The following ANXA1 variants were observed in gnomAD, a reference collection of about 807,000 sequenced individuals.
ANXA1 encodes annexin A1.
In ANXA1, 39 loss-of-function variants were observed where a neutral mutation model predicts 47.9. That is an observed-to-expected ratio of 0.81 (90% confidence interval 0.63 to 1.06). ANXA1 has a LOEUF of 1.06. ANXA1 is among the 50% of genes least tolerant of loss of function. ANXA1 has a pLI of 0.00. For missense variants in ANXA1, 446 were observed against 422.7 expected (o/e 1.06, Z -0.48); for synonymous variants, 146 against 142.5 (o/e 1.02, Z -0.17).
intron 1 of ANXA1, among the ~76,000 whole-genome samples, chr9:73,155,682 A>G (rs946149026): frequency 2.3e-4 from 35 of 152,110 alleles, no homozygotes; most frequent in African/African-American, 7.2e-4. Flanking sequence ...GGCTGAATTC[A>G]GATTCCGTTT....
intron 9 of ANXA1, chr9:73,165,415 T>G (rs968142541): frequency 3.1e-5 from 13 of 420,742 alleles, no homozygotes; most frequent in Admixed American, 8.2e-5. Context: ...ATTTTGTGAC[T>G]TGGGCATGTG....
chr9:73,160,506 T>G (rs1824121135), intron 5 of ANXA1, 130 bp downstream of exon 5: 3 of 609,136 alleles, frequency 4.9e-6, no homozygotes, highest in Middle Eastern at 2.7e-4. Context: ...ATAAATAAAT[T>G]AATACCTCAA....
chr9:73,158,689 T>G lies in ANXA1; in HGVS notation c.67-6T>G. On this transcript the variant is annotated splice_region_variant and splice_polypyrimidine_tract_variant and intron_variant, in intron 2 of 12. Transcript: ENST00000257497. ...GGCCATTAATTTATTTCTCTCTCAT[T>G]CTTAGCAAACTGTGAAGTCATCCAA... 2 of 1,613,786 alleles carry G rather than the reference T, an allele frequency of 1.2e-6. No homozygotes were observed. Among genetic ancestry groups the G allele is most frequent in the East Asian group, 4.5e-5 (2 of 44,868 alleles).
rs1033769795 is a variant in ANXA1 at position 73,165,166 on chromosome 9, C to A, written c.663C>A (p.Phe221Leu). 1.2e-6 allele frequency: 2 copies of A among 1,612,666 alleles called. No homozygotes were observed. The highest frequency in any genetic ancestry group is 1.7e-6 in the Non-Finnish European group (2 of 1,179,142). Residue 221 changes from phenylalanine (F) to leucine (L), a missense_variant, in exon 9 of 13, where the codon TTC (phenylalanine) becomes TTA (leucine). Physicochemically the swap from Phe to Leu is conservative, Grantham distance 22. Coordinates refer to ENST00000257497, the MANE Select transcript of ANXA1 (RefSeq NM_000700.3). ...ERRKGTDVNV[F>L]NTILTTRSYP... is the part of the protein sequence containing the mutation. ...GAAAGGGGACAGACGTAAACGTGTTCAATACCATCCTTACCACCAGAAGCT... is the reference window on the plus strand; with the variant it reads ...GAAAGGGGACAGACGTAAACGTGTTAAATACCATCCTTACCACCAGAAGCT...
chr9:73,153,981 G>A (rs1824008819), intron 1 of ANXA1, among the ~76,000 whole-genome samples: 1 of 152,104 alleles, frequency 6.6e-6, no homozygotes, highest in African/African-American at 2.4e-5. Context: ...CTAATGAAGG[G>A]TTTCTGAAGA....
intron 3 of ANXA1, 92 bp downstream of exon 3, chr9:73,158,895 ATC>A: frequency 2.0e-6 from 2 of 1,012,448 alleles, no homozygotes; most frequent in Admixed American, 2.3e-5. Context: ...AATGGAAAGA[ATC>A]TGTTTCATTT....
At chr9:73,153,114 C>T (rs565786661) in intron 1 of ANXA1, among the ~76,000 whole-genome samples, 56 of 152,260 alleles carry the variant, frequency 3.7e-4, no homozygotes, top group Admixed American at 8.5e-4. Flanking sequence ...GTGACAGTAA[C>T]ACCCTAGCTC....
chr9:73,165,130 AG>A lies in ANXA1; in HGVS notation c.629del (p.Gly210GlufsTer9). On this transcript the variant is annotated frameshift_variant, in exon 9 of 13. Coordinates refer to ENST00000257497, the MANE Select transcript of ANXA1 (RefSeq NM_000700.3). LOFTEE classifies it high-confidence loss of function. ...DSDARALYEA[G>X]ERRKGTDVNV... The stretch of plus-strand genomic sequence containing the variant: ...TTTCTTGACAGGCCTTGTATGAAGC[AG>A]GAGAAAGGAGAAAGGGGACAGACGT... 1 of 1,612,568 alleles carries A rather than the reference AG, an allele frequency of 6.2e-7. No individual in the cohort carries two copies. The highest frequency in any genetic ancestry group is 8.5e-7 in the Non-Finnish European group (1 of 1,178,938).
Position 73,156,147 on chromosome 9 carries a change from AT to A in ANXA1, c.-14-2374del, listed in dbSNP as rs369397975. Among the ~76,000 whole-genome samples, 699 of 104,722 alleles carry A rather than the reference AT, an allele frequency of 6.7e-3. 5 individuals are homozygous for A. Among genetic ancestry groups the A allele is most frequent in the African/African-American group, 0.038 (633 of 16,604 alleles). 68.7% of individuals were successfully genotyped at this position (104,722 alleles called of 152,430 possible). On this transcript the variant is annotated intron_variant, in intron 1 of 12. Transcript: ENST00000257497. The stretch of plus-strand genomic sequence containing the variant: ...AATAAATAAATAATAATAATAAATA[AT>A]ATAAATAAATAAATAAATAAATAAA...
At chr9:73,151,947 G>A (rs1268711587) in intron 1 of ANXA1, 23 bp downstream of exon 1, 1 of 152,104 alleles carries the variant, frequency 6.6e-6, no homozygotes, top group Non-Finnish European at 1.5e-5. Context: ...TTTCCTTTTA[G>A]TTAGTTTTGG....
chr9:73,163,940 T>C (rs191287476), intron 8 of ANXA1, among the ~76,000 whole-genome samples: 2 of 152,300 alleles, frequency 1.3e-5, no homozygotes, highest in African/African-American at 2.4e-5. Flanking sequence ...TAGATGTCAA[T>C]TTATATTGTC....
intron 6 of ANXA1, among the ~76,000 whole-genome samples, chr9:73,161,327 C>G (rs1824139500): frequency 1.3e-5 from 2 of 151,920 alleles, no homozygotes; most frequent in Non-Finnish European, 2.9e-5. Flanking sequence ...TTCATTTGTC[C>G]TTGAAAAAGT....
At chr9:73,160,924 C>G (rs1824132754) in intron 6 of ANXA1, 31 bp downstream of exon 6, 1 of 1,428,966 alleles carries the variant, frequency 7.0e-7, no homozygotes, top group African/African-American at 1.4e-5. Context: ...GTCCAAACGC[C>G]TTATTTGAAA....
chr9:73,153,302 T>TA (rs1823998899), intron 1 of ANXA1, among the ~76,000 whole-genome samples: 1 of 152,230 alleles, frequency 6.6e-6, no homozygotes, highest in Non-Finnish European at 1.5e-5. Flanking sequence ...CCTATTAATT[T>TA]ACGACATTTC....
In ANXA1 at chr9:73,165,219, A is replaced by C; in HGVS notation, c.706+10A>C. 1 of 1,608,278 alleles carries C rather than the reference A, an allele frequency of 6.2e-7. No individual in the cohort carries two copies. The highest frequency in any genetic ancestry group is 8.5e-7 in the Non-Finnish European group (1 of 1,176,244). ...CCACAACTTCGCAGAGGTAACAATA[A>C]ATTTCTTTTTCTGGAATCTGTTTAT... On this transcript the variant is annotated intron_variant, in intron 9 of 12. Coordinates refer to ENST00000257497, the MANE Select transcript of ANXA1 (RefSeq NM_000700.3).
At chr9:73,163,579 T>G in intron 8 of ANXA1, 47 bp downstream of exon 8, 2 of 1,587,042 alleles carry the variant, frequency 1.3e-6, no homozygotes, top group Non-Finnish European at 1.7e-6. Flanking sequence ...CTTCCTACCT[T>G]AAGTGGGGCT....
intron 11 of ANXA1, chr9:73,168,734 T>C (rs980095859): frequency 5.5e-6 from 1 of 182,574 alleles, no homozygotes; most frequent in African/African-American, 2.4e-5. Flanking sequence ...TTATTAGATT[T>C]GCAGTTTAGA....
Position 73,158,803 on chromosome 9 carries a change from G to T in ANXA1, c.175G>T (p.Gly59Cys). ...AALHKAIMVK[G>C]VDEATIIDIL... The stretch of plus-strand genomic sequence containing the variant: ...CTTGCATAAGGCCATAATGGTTAAA[G>T]GTAACGTGTTTCCTCAAAACAGTTC... Residue 59 changes from glycine to cysteine, a missense_variant and splice_region_variant, in exon 3 of 13, where the codon GGT becomes TGT. Coordinates refer to ENST00000257497, the MANE Select transcript of ANXA1 (RefSeq NM_000700.3). The T allele has an allele frequency of 6.2e-7, 1 of 1,612,670 alleles. No homozygotes were observed. Among genetic ancestry groups the T allele is most frequent in the Non-Finnish European group, 8.5e-7 (1 of 1,178,936 alleles).
chr9:73,165,297 C>A, intron 9 of ANXA1, 88 bp downstream of exon 9: 1 of 1,036,300 alleles, frequency 9.6e-7, no homozygotes, highest in Non-Finnish European at 1.5e-6. Context: ...AAAAACAGAA[C>A]CCTTTTTCAA....
Sources: allele counts gnomAD v4.1 joint callset (sites outside exome capture counted in the v4.1 genomes callset), GRCh38; gene constraint gnomAD v4.1.1; transcripts MANE v1.5; gene names NCBI Gene and HGNC (gene_info 2026-07-23, HGNC 2026-07-21).